The following ADGRV1 variants were observed in gnomAD, a reference collection of about 807,000 sequenced individuals.
The protein encoded by ADGRV1 is G-protein coupled receptor 98.
Under a neutral mutation model 596.2 loss-of-function variants are expected in ADGRV1, and 359 were observed. The observed-to-expected ratio is 0.60, with a 90% CI of 0.55 to 0.66. The LOEUF is 0.66. Among genes scored for constraint, ADGRV1 ranks in the 30% least tolerant of loss-of-function variants. The pLI is 0.00. For missense variants in ADGRV1, 7,274 were observed against 7,575.6 expected (o/e 0.96, Z 1.48); for synonymous variants, 2,681 against 2,679.2 (o/e 1.00, Z -0.02).
chr5:90,597,256 G>A (rs1020613272), intron 1 of ADGRV1, among the ~76,000 whole-genome samples: 7 of 152,214 alleles, frequency 4.6e-5, no homozygotes, highest in African/African-American at 1.4e-4. Context: ...GACAATATGA[G>A]TGTTGTTCTG....
At chr5:90,570,866 G>C (rs1756435173) in intron 1 of ADGRV1, among the ~76,000 whole-genome samples, 1 of 150,790 alleles carries the variant, frequency 6.6e-6, no homozygotes, top group Non-Finnish European at 1.5e-5. Context: ...TTAGTTCTTT[G>C]AATATATTTA....
intron 80 of ADGRV1, 126 bp downstream of exon 80, chr5:90,853,659 G>A: frequency 1.2e-6 from 1 of 805,992 alleles, no homozygotes; most frequent in South Asian, 2.1e-5. Flanking sequence ...ACTATGAAAT[G>A]TGTTCCATCT....
chr5:90,851,168 A>AGAGAGAGAGAGAGAGAGAGAG (rs1469870808), intron 79 of ADGRV1, among the ~76,000 whole-genome samples: 4 of 135,444 alleles, frequency 3.0e-5, no homozygotes, highest in Admixed American at 2.9e-4. Flanking sequence ...AGAGAGAGAG[A>AGAGAGAGAGAGAGAGAGAGAG]ATGAATCTGA....
At chr5:91,067,883 C>G (rs187891817) in intron 85 of ADGRV1, among the ~76,000 whole-genome samples, 1 of 152,194 alleles carries the variant, frequency 6.6e-6, no homozygotes. Flanking sequence ...CCAGCATGAC[C>G]ACTGTTTTTA....
chr5:90,836,440 A>T (rs150621627), intron 77 of ADGRV1, among the ~76,000 whole-genome samples: 1 of 152,260 alleles, frequency 6.6e-6, no homozygotes, highest in African/African-American at 2.4e-5. Flanking sequence ...TAATCTCCAT[A>T]TAATCATACT....
At chr5:90,740,620 G>C (rs886726174) in intron 50 of ADGRV1, among the ~76,000 whole-genome samples, 1 of 152,094 alleles carries the variant, frequency 6.6e-6, no homozygotes, top group Non-Finnish European at 1.5e-5. Flanking sequence ...AGGCAGAGCC[G>C]CCACCAAGAT....
rs527363934 is a variant in ADGRV1 at position 91,069,859 on chromosome 5, G to C, written c.18153-2588G>C. ...ATAGCAAAGACATGAAATCAACCCAGGTGCCCAACAATGCTGGGTTGGATA... is the reference window on the plus strand; with the variant it reads ...ATAGCAAAGACATGAAATCAACCCACGTGCCCAACAATGCTGGGTTGGATA... On this transcript the variant is annotated intron_variant, in intron 85 of 89. Coordinates refer to ENST00000405460, the MANE Select transcript of ADGRV1 (RefSeq NM_032119.4). 7.9e-5 allele frequency among the ~76,000 whole-genome samples: 12 copies of C among 151,284 alleles called. No homozygotes were observed. In the East Asian group the frequency reaches 1.4e-3, roughly 17 times the overall value.
At chr5:90,886,604 C>A (rs949599942) in intron 83 of ADGRV1, among the ~76,000 whole-genome samples, 1 of 152,174 alleles carries the variant, frequency 6.6e-6, no homozygotes, top group Non-Finnish European at 1.5e-5. Flanking sequence ...AAACTTTTAT[C>A]TCCACCGTAA....
chr5:90,937,444 C>T (rs1299819404), intron 83 of ADGRV1, among the ~76,000 whole-genome samples: 2 of 144,566 alleles, frequency 1.4e-5, no homozygotes, highest in African/African-American at 5.1e-5. Context: ...CTTTTAATTG[C>T]AGTAACTGTA....
chr5:90,564,064 A>G (rs1323572949), intron 1 of ADGRV1, among the ~76,000 whole-genome samples: 1 of 152,228 alleles, frequency 6.6e-6, no homozygotes, highest in Non-Finnish European at 1.5e-5. Context: ...TACATTTTTC[A>G]TTCTTCAAGT....
chr5:91,070,612 T>G (rs529718646), intron 85 of ADGRV1, among the ~76,000 whole-genome samples: 20 of 152,350 alleles, frequency 1.3e-4, no homozygotes, highest in African/African-American at 4.3e-4. Context: ...TTTGAGATTT[T>G]CATGCAAGAT....
intron 65 of ADGRV1, among the ~76,000 whole-genome samples, chr5:90,782,008 G>A (rs926188099): frequency 1.3e-5 from 2 of 151,970 alleles, no homozygotes; most frequent in African/African-American, 2.4e-5. Context: ...TTGCTTTCTC[G>A]AAACAGTCCC....
At chr5:90,707,277 C>G (rs1320608652) in intron 38 of ADGRV1, among the ~76,000 whole-genome samples, 1 of 151,830 alleles carries the variant, frequency 6.6e-6, no homozygotes, top group Non-Finnish European at 1.5e-5. Context: ...AAATACAGTT[C>G]CAAGAGGTTT....
rs138159358 is a variant in ADGRV1 at position 91,003,851 on chromosome 5, G to A, written c.18152+18329G>A. 9.2e-3 allele frequency among the ~76,000 whole-genome samples: 1,403 copies of A among 152,040 alleles called. 20 individuals carry two copies. The highest frequency in any genetic ancestry group is 0.032 in the African/African-American group (1,342 of 41,458). ...TTCCCGGTGGACTCAGATGTAAGAA[G>A]GACATGTATAATGAAAGAAAGTAGG... On this transcript the variant is annotated intron_variant, in intron 85 of 89. Transcript: ENST00000405460.
chr5:90,766,131 G>A (rs897424756), intron 59 of ADGRV1, among the ~76,000 whole-genome samples: 1 of 152,002 alleles, frequency 6.6e-6, no homozygotes. Flanking sequence ...GGATGGTCTT[G>A]ATCTCCTGAC....
At chr5:90,676,293 C>A in intron 25 of ADGRV1, 84 bp downstream of exon 25, 1 of 1,264,070 alleles carries the variant, frequency 7.9e-7, no homozygotes, top group Non-Finnish European at 1.1e-6. Context: ...AAGTAAGTTC[C>A]TTTGAATTAA....
chr5:90,962,311 G>A (rs902255425), intron 83 of ADGRV1, among the ~76,000 whole-genome samples: 1 of 152,120 alleles, frequency 6.6e-6, no homozygotes, highest in Admixed American at 6.5e-5. Context: ...TAGATAGAGG[G>A]TACTTAAGCA....
chr5:91,125,912 G>A (rs1306920645), intron 87 of ADGRV1, among the ~76,000 whole-genome samples: 2 of 152,164 alleles, frequency 1.3e-5, no homozygotes, highest in African/African-American at 2.4e-5. Context: ...ATATCCATCT[G>A]TAGTTCTGTT....
intron 20 of ADGRV1, chr5:90,655,460 G>A (rs1769266135): frequency 6.6e-6 from 1 of 151,962 alleles, no homozygotes; most frequent in Non-Finnish European, 1.5e-5. Flanking sequence ...TGTTTTGGTT[G>A]TTTTCTGTTC....
Sources: allele counts gnomAD v4.1 joint callset (sites outside exome capture counted in the v4.1 genomes callset), GRCh38; gene constraint gnomAD v4.1.1; transcripts MANE v1.5; gene names NCBI Gene and HGNC (gene_info 2026-07-23, HGNC 2026-07-21).